Variants in THEMIS observed in about 807,000 individuals in gnomAD.
The protein encoded by THEMIS is thymocyte selection associated.
Under a neutral mutation model 52.6 loss-of-function variants are expected in THEMIS, and 37 were observed. That is an observed-to-expected ratio of 0.70 (90% CI 0.54 to 0.93). THEMIS has a LOEUF of 0.93. THEMIS is among the 40% of genes least tolerant of loss of function. The pLI is 0.00. For synonymous variants in THEMIS, 292 were observed against 272.7 expected, an observed-to-expected ratio of 1.07 and a Z score of -0.70; for missense variants, 808 against 763.1, an observed-to-expected ratio of 1.06 and a Z score of -0.69.
chr6:127,843,230 A>G (rs1236035364), intron 2 of THEMIS, among the ~76,000 whole-genome samples: 1 of 151,888 alleles, frequency 6.6e-6, no homozygotes, highest in Non-Finnish European at 1.5e-5. Flanking sequence ...ATAGTAGAAA[A>G]ATTCCTTATT....
chr6:127,841,779 T>C (rs1258743923), intron 2 of THEMIS, among the ~76,000 whole-genome samples: 4 of 152,024 alleles, frequency 2.6e-5, no homozygotes, highest in African/African-American at 9.7e-5. Flanking sequence ...GAATTTCTTT[T>C]GCATGCTGAT....
intron 2 of THEMIS, among the ~76,000 whole-genome samples, chr6:127,845,340 T>C (rs180870069): frequency 2.0e-5 from 3 of 151,998 alleles, no homozygotes; most frequent in Admixed American, 1.3e-4. Flanking sequence ...AGCAGGTCAA[T>C]TTTTTTCAAA....
intron 1 of THEMIS, among the ~76,000 whole-genome samples, chr6:127,862,539 C>T (rs1779842522): frequency 6.7e-6 from 1 of 149,534 alleles, no homozygotes; most frequent in Non-Finnish European, 1.5e-5. Flanking sequence ...CCTACTTCAC[C>T]CTGCCAAGTA....
chr6:127,873,605 T>A (rs1562314135), intron 1 of THEMIS, among the ~76,000 whole-genome samples: 1 of 152,282 alleles, frequency 6.6e-6, no homozygotes, highest in East Asian at 1.9e-4. Context: ...TTAAAATAAT[T>A]AACCTAGTAC....
At chr6:127,730,735 A>T (rs1489261676) in intron 4 of THEMIS, among the ~76,000 whole-genome samples, 2 of 152,152 alleles carry the variant, frequency 1.3e-5, no homozygotes, top group Non-Finnish European at 2.9e-5. Flanking sequence ...AAATATTCCA[A>T]AACAATCCAT....
chr6:127,824,598 TA>T (rs147570426), intron 3 of THEMIS, among the ~76,000 whole-genome samples: 37 of 148,204 alleles, frequency 2.5e-4, no homozygotes, highest in East Asian at 5.8e-4. Flanking sequence ...CACCAAAACT[TA>T]AAAAAAAAAG....
chr6:127,845,560 G>GT (rs1779184874), intron 2 of THEMIS, among the ~76,000 whole-genome samples: 1 of 151,860 alleles, frequency 6.6e-6, no homozygotes, highest in African/African-American at 2.4e-5. Context: ...GGAGAAAGCA[G>GT]TAAGAGGTTG....
chr6:127,907,630 A>G (rs990965572), intron 1 of THEMIS, among the ~76,000 whole-genome samples: 5 of 151,872 alleles, frequency 3.3e-5, no homozygotes, highest in African/African-American at 1.2e-4. Context: ...CAGTTGTCTC[A>G]GCTAAATCAC....
intron 1 of THEMIS, among the ~76,000 whole-genome samples, chr6:127,882,977 T>G (rs1780533044): frequency 6.6e-6 from 1 of 152,006 alleles, no homozygotes; most frequent in Admixed American, 6.6e-5. Context: ...CATGTTCATA[T>G]AATACATAAT....
downstream of THEMIS, among the ~76,000 whole-genome samples, chr6:127,704,917 G>T (rs896390170): frequency 8.5e-5 from 13 of 152,188 alleles, no homozygotes. Flanking sequence ...TATTAGCAGA[G>T]GCCCAAATGG....
intron 4 of THEMIS, among the ~76,000 whole-genome samples, chr6:127,746,425 T>C (rs1397527635): frequency 6.6e-6 from 1 of 151,530 alleles, no homozygotes; most frequent in East Asian, 1.9e-4. Flanking sequence ...TCTAGCACAG[T>C]GCTTTGCACA....
intron 1 of THEMIS, among the ~76,000 whole-genome samples, chr6:127,897,529 A>C (rs116020201): frequency 5.2e-4 from 79 of 151,636 alleles, no homozygotes; most frequent in African/African-American, 1.8e-3. Flanking sequence ...AAAATCCAAG[A>C]AATATATGAA....
chr6:127,746,790 T>A (rs1452006332), intron 4 of THEMIS, among the ~76,000 whole-genome samples: 1 of 47,448 alleles, frequency 2.1e-5, no homozygotes, highest in Non-Finnish European at 3.2e-5. Flanking sequence ...TAATTATATA[T>A]TATTATATAA....
chr6:127,905,809 G>A (rs1389749474), upstream of THEMIS, among the ~76,000 whole-genome samples: 1 of 142,588 alleles, frequency 7.0e-6, no homozygotes, highest in Non-Finnish European at 1.6e-5. Flanking sequence ...TTCTAGGAAA[G>A]CCACTAAAAA....
chr6:127,842,807 G>A (rs773591515), intron 2 of THEMIS, among the ~76,000 whole-genome samples: 5 of 151,832 alleles, frequency 3.3e-5, no homozygotes, highest in Admixed American at 2.0e-4. Context: ...TAAGCTCAGG[G>A]TTCCCCAATT....
intron 4 of THEMIS, among the ~76,000 whole-genome samples, chr6:127,756,228 C>T (rs1165066004): frequency 2.0e-5 from 3 of 152,128 alleles, no homozygotes; most frequent in East Asian, 1.9e-4. Flanking sequence ...ACAAACATCT[C>T]CTTAATCTGT....
chr6:127,891,256 C>T (rs1186357925), intron 1 of THEMIS, among the ~76,000 whole-genome samples: 6 of 152,060 alleles, frequency 3.9e-5, no homozygotes, highest in Middle Eastern at 3.4e-3. Flanking sequence ...TTCGGCCAGG[C>T]GCGGTGGCTC....
At chr6:127,820,814 A>T (rs1562279829) in intron 3 of THEMIS, among the ~76,000 whole-genome samples, 1 of 151,820 alleles carries the variant, frequency 6.6e-6, no homozygotes, top group Non-Finnish European at 1.5e-5. Context: ...TATTCTGTTG[A>T]TTTTTTTATA....
intron 2 of THEMIS, among the ~76,000 whole-genome samples, chr6:127,834,342 G>A (rs1217677250): frequency 6.6e-6 from 1 of 151,460 alleles, no homozygotes; most frequent in East Asian, 2.0e-4. Context: ...AGGCCAAGCG[G>A]GGACAAATCA....
Sources: allele counts gnomAD v4.1 joint callset (sites outside exome capture counted in the v4.1 genomes callset), GRCh38; gene constraint gnomAD v4.1.1; transcripts MANE v1.5; gene names NCBI Gene and HGNC (gene_info 2026-07-23, HGNC 2026-07-21).